Variants in SLC4A10 observed in about 807,000 individuals in gnomAD.
SLC4A10 encodes sodium-driven chloride bicarbonate exchanger.
A neutral mutation model predicts 137.7 loss-of-function variants in SLC4A10; 42 were observed. The observed-to-expected ratio is 0.30, with a 90% CI of 0.24 to 0.39. The LOEUF (loss-of-function observed/expected upper bound fraction) is 0.39. SLC4A10 is among the 10% of genes least tolerant of loss of function. The pLI, the probability that SLC4A10 is intolerant of heterozygous loss-of-function variation, is 1.00. For missense variants in SLC4A10, 925 were observed against 1,355.0 expected (o/e 0.68, Z 4.98); for synonymous variants, 474 against 464.1 (o/e 1.02, Z -0.27).
chr2:161,980,922 T>C (rs1418860988), intron 26 of SLC4A10, among the ~76,000 whole-genome samples: 4 of 152,196 alleles, frequency 2.6e-5, no homozygotes, highest in Non-Finnish European at 4.4e-5. Flanking sequence ...AGCTTAAAAT[T>C]GATTGGCCTC....
chr2:161,691,734 T>C (rs868000677), intron 1 of SLC4A10, among the ~76,000 whole-genome samples: 6 of 152,248 alleles, frequency 3.9e-5, no homozygotes, highest in South Asian at 4.1e-4. Context: ...CAGAATCTCA[T>C]AGAGGAGATA....
At chr2:161,682,152 G>A (rs1219901301) in intron 1 of SLC4A10, among the ~76,000 whole-genome samples, 2 of 152,028 alleles carry the variant, frequency 1.3e-5, no homozygotes, top group Non-Finnish European at 2.9e-5. Flanking sequence ...TTGGGAAAAG[G>A]ATTCCATGTC....
chr2:161,960,480 C>T (rs1696491355), intron 21 of SLC4A10, among the ~76,000 whole-genome samples: 1 of 151,442 alleles, frequency 6.6e-6, no homozygotes, highest in Admixed American at 6.6e-5. Context: ...CTTCTAATGC[C>T]AGACCAAGGC....
chr2:161,947,752 A>C (rs1694082771), intron 17 of SLC4A10, 25 bp downstream of exon 17: 1 of 1,601,282 alleles, frequency 6.2e-7, no homozygotes, highest in East Asian at 2.2e-5. Context: ...TCTTGATCTA[A>C]ATGTAAAATA....
intron 1 of SLC4A10, among the ~76,000 whole-genome samples, chr2:161,755,861 C>G (rs62189046): frequency 0.081 from 12,285 of 151,428 alleles, 623 homozygotes; most frequent in East Asian, 0.14. Context: ...ACCTCTGCCT[C>G]CCAGGTAAAG....
Position 161,976,819 on chromosome 2 carries a change from A to C in SLC4A10, c.3287A>C (p.Asn1096Thr). 6.2e-7 allele frequency: 1 copy of C among 1,606,276 alleles called. No homozygotes were observed. Among genetic ancestry groups the C allele is most frequent in the Non-Finnish European group, 8.5e-7 (1 of 1,176,200 alleles). Residue 1096 changes from asparagine to threonine, a missense_variant, in exon 25 of 27, where the codon AAC becomes ACC. Physicochemically the swap from Asn to Thr is moderately conservative, Grantham distance 65. This residue lies in a region of SLC4A10 where 84 missense variants were observed against 76.9 expected (regional missense o/e 1.09). Coordinates refer to ENST00000446997, the MANE Select transcript of SLC4A10 (RefSeq NM_001178015.2). ...DEMSKTALWR[N>T]LLITADNSKD... is the part of the protein sequence containing the mutation. Reference sequence around the variant, plus strand: ...ATGTCAAAGACTGCCTTGTGGAGGAACCTTCTGATTACTGCCGATAACTCA... The same window carrying C: ...ATGTCAAAGACTGCCTTGTGGAGGACCCTTCTGATTACTGCCGATAACTCA...
chr2:161,836,536 GAAAGAAAGAAAGAA>G (rs1559358955), intron 3 of SLC4A10, among the ~76,000 whole-genome samples: 260 of 8,738 alleles, frequency 0.03, 4 homozygotes, highest in African/African-American at 0.041. Context: ...GAGAGAGAAA[GAAAGAAAGAAAGAA>G]AGAAAGAAAG....
At chr2:161,934,485 C>T (rs1691209838) in intron 15 of SLC4A10, among the ~76,000 whole-genome samples, 1 of 152,186 alleles carries the variant, frequency 6.6e-6, no homozygotes, top group African/African-American at 2.4e-5. Flanking sequence ...CATGTTGACA[C>T]AAATGACAGG....
chr2:161,873,858 G>A, intron 7 of SLC4A10, 58 bp from the exon 8 acceptor site: 1 of 1,515,218 alleles, frequency 6.6e-7, no homozygotes, highest in Non-Finnish European at 8.9e-7. Context: ...TCTGGTGCCT[G>A]GCGGAGTCTC....
At chr2:161,751,384 A>T (rs1207418450) in intron 1 of SLC4A10, among the ~76,000 whole-genome samples, 8 of 128,304 alleles carry the variant, frequency 6.2e-5, no homozygotes, top group Non-Finnish European at 5.1e-5. Flanking sequence ...TGCTAGGTTT[A>T]ATTACTTTTC....
At chr2:161,893,327 G>A (rs1245564411) in intron 10 of SLC4A10, among the ~76,000 whole-genome samples, 2 of 152,084 alleles carry the variant, frequency 1.3e-5, no homozygotes, top group Admixed American at 6.6e-5. Flanking sequence ...TTTCTGCACT[G>A]TGTAGATATA....
intron 1 of SLC4A10, among the ~76,000 whole-genome samples, chr2:161,670,625 T>C (rs1467648136): frequency 6.6e-6 from 1 of 152,128 alleles, no homozygotes; most frequent in East Asian, 1.9e-4. Flanking sequence ...TACAGGTTTA[T>C]AAATACTAAC....
chr2:161,779,729 C>T (rs1013892660), intron 2 of SLC4A10, among the ~76,000 whole-genome samples: 1 of 151,980 alleles, frequency 6.6e-6, no homozygotes, highest in Non-Finnish European at 1.5e-5. Context: ...TATTAGCAAA[C>T]AATAGCCTAT....
At chr2:161,740,110 G>C (rs575259405) in intron 1 of SLC4A10, among the ~76,000 whole-genome samples, 1 of 152,284 alleles carries the variant, frequency 6.6e-6, no homozygotes, top group Admixed American at 6.5e-5. Context: ...AGAAAACAGC[G>C]TGCAGTTCAG....
intron 3 of SLC4A10, among the ~76,000 whole-genome samples, chr2:161,813,849 G>T (rs1420276084): frequency 6.6e-6 from 1 of 152,056 alleles, no homozygotes; most frequent in Non-Finnish European, 1.5e-5. Flanking sequence ...AATAATGACT[G>T]CATTTGAGAA....
At chr2:161,879,926 A>G (rs1043918165) in intron 9 of SLC4A10, among the ~76,000 whole-genome samples, 1 of 152,126 alleles carries the variant, frequency 6.6e-6, no homozygotes, top group East Asian at 1.9e-4. Context: ...ACTTAGGGAT[A>G]ATACAAACTG....
Position 161,640,922 on chromosome 2 carries a change from G to A in SLC4A10, c.48+16356G>A, listed in dbSNP as rs2035227120. Among the ~76,000 whole-genome samples the A allele has an allele frequency of 2.6e-5, 4 of 152,190 alleles. No individual in the cohort carries two copies. The South Asian group carries it at 8.3e-4, about 32-fold the overall frequency. On this transcript the variant is annotated intron_variant, in intron 1 of 26. Coordinates refer to ENST00000446997, the MANE Select transcript of SLC4A10 (RefSeq NM_001178015.2). ...TTTACCAGTAAGGTGAATTTCATGG[G>A]TAACAAGGTATTACTGAAATGCTTG...
chr2:161,958,497 T>C lies in SLC4A10; in HGVS notation c.2804T>C (p.Met935Thr). 1 of 1,611,054 alleles carries C rather than the reference T, an allele frequency of 6.2e-7. No individual in the cohort carries two copies. The highest frequency in any genetic ancestry group is 8.5e-7 in the Non-Finnish European group (1 of 1,178,250). The change falls in exon 21 of 27, where the codon ATG (methionine) becomes ACG (threonine). Residue 935 changes from methionine to threonine, a missense_variant. Met to Thr is a moderately conservative substitution (Grantham distance 81). Transcript: ENST00000446997. ...ATTGTTCTTTTACAGTTTATTCCCA[T>C]GCCAGTGCTATATGGAGTGTTTCTT... is the stretch of plus-strand genomic sequence containing the variant. ...FMTSILKFIPMPVLYGVFLYM... is the reference protein window; with the variant it reads ...FMTSILKFIPTPVLYGVFLYM...
intron 10 of SLC4A10, among the ~76,000 whole-genome samples, chr2:161,891,942 G>T (rs913682007): frequency 6.6e-6 from 1 of 151,902 alleles, no homozygotes. Flanking sequence ...TGAACCAATA[G>T]TCTAGTTTGA....
Sources: gnomAD v4.1 joint callset for allele counts (sites outside exome capture counted in the v4.1 genomes callset) on GRCh38, gnomAD v4.1.1 for gene constraint, gnomAD v4.1.1 regional missense constraint, MANE v1.5 for transcripts, NCBI Gene and HGNC (gene_info 2026-07-23, HGNC 2026-07-21) for gene names.